Variants in HNRNPAB observed in about 807,000 individuals in gnomAD.
HNRNPAB encodes the protein ABBP-1.
Under a neutral mutation model 44.1 loss-of-function variants are expected in HNRNPAB, and 17 were observed. The ratio of observed to expected loss-of-function variants is 0.39; its 90% CI spans 0.26 to 0.58. HNRNPAB has a LOEUF of 0.58. HNRNPAB is among the 20% of genes least tolerant of loss of function. The pLI, the probability that HNRNPAB is intolerant of heterozygous loss-of-function variation, is 0.63. For synonymous variants in HNRNPAB, 183 were observed against 167.6 expected (o/e 1.09, Z -0.71); for missense variants, 393 against 432.7 (o/e 0.91, Z 0.81).
chr5:178,209,190 T>G, intron 5 of HNRNPAB, 140 bp from the exon 6 acceptor site: 1 of 722,306 alleles, frequency 1.4e-6, no homozygotes, highest in Non-Finnish European at 2.5e-6. Context: ...AGCCCAAAGG[T>G]GGCCTCCCAT....
chr5:178,208,019 T>C (rs528526139), intron 5 of HNRNPAB, among the ~76,000 whole-genome samples: 5 of 152,254 alleles, frequency 3.3e-5, no homozygotes, highest in Non-Finnish European at 7.4e-5. Flanking sequence ...CAGGCAAAAA[T>C]CCTTCCAAAG....
chr5:178,207,128 T>C lies in HNRNPAB; in HGVS notation c.572T>C (p.Leu191Ser). ...EAIELPMDPKLNKRRGFVFIT... is the reference protein window; with the variant it reads ...EAIELPMDPKSNKRRGFVFIT... ...ATTGAATTGCCAATGGATCCAAAGT[T>C]GAACAAAAGACGAGGTTTTGTGTTT... Residue 191 changes from leucine (L) to serine (S), a missense_variant, in exon 5 of 8, where the codon TTG (leucine) becomes TCG (serine). Transcript: ENST00000358344. 6.2e-7 allele frequency: 1 copy of C among 1,614,222 alleles called. No homozygotes were observed. Among genetic ancestry groups the C allele is most frequent in the Non-Finnish European group, 8.5e-7 (1 of 1,180,036 alleles).
At chr5:178,207,889 G>A (rs1243224662) in intron 5 of HNRNPAB, among the ~76,000 whole-genome samples, 7 of 151,858 alleles carry the variant, frequency 4.6e-5, no homozygotes, top group Admixed American at 3.3e-4. Context: ...TTAAAGCCTG[G>A]TCTCACCATG....
At chr5:178,210,406 G>A (rs945769744) in intron 7 of HNRNPAB, 134 bp downstream of exon 7, 46 of 1,553,358 alleles carry the variant, frequency 3.0e-5, no homozygotes, top group South Asian at 2.6e-4. Context: ...ACTTGATTTT[G>A]AGCCTTAGAC....
rs186558236 is a variant in HNRNPAB, at chr5:178,209,595, G to A, written c.787+148G>A. ...CGAACAGGAATAGGAACGGCTCTGG[G>A]TCAGGGCTGTATGCTTGAGGCTGTT... On this transcript the variant is annotated intron_variant, in intron 6 of 7. Transcript: ENST00000358344. The A allele has an allele frequency of 3.4e-4, 231 of 682,220 alleles. 2 individuals carry two copies. In the East Asian group the frequency reaches 6.1e-3, roughly 18 times the overall value. 42.3% of individuals were successfully genotyped at this position (682,220 alleles called of 1,614,324 possible). A position where few individuals can be genotyped will look rare whatever the true frequency, so the allele number is the denominator to read the frequency against.
At chr5:178,205,373 C>T (rs1442531170) in intron 2 of HNRNPAB, among the ~76,000 whole-genome samples, 1 of 151,892 alleles carries the variant, frequency 6.6e-6, no homozygotes. Flanking sequence ...CGTCTTGGGC[C>T]GCGCCGGCGG....
At position 178,205,822 on chromosome 5, in the gene HNRNPAB, G is replaced by C. The variant is rs1474717221; in HGVS notation, c.210-20G>C. On this transcript the variant is annotated intron_variant, in intron 2 of 7. Coordinates refer to ENST00000358344, the MANE Select transcript of HNRNPAB (RefSeq NM_031266.3). ...TTGCTTACAAGACTTGTTGCCGTGTGTCTCACCCTACCATTTCAGAAAAAT... is the reference window on the plus strand; with the variant it reads ...TTGCTTACAAGACTTGTTGCCGTGTCTCTCACCCTACCATTTCAGAAAAAT... 2 of 1,608,550 alleles carry C rather than the reference G, an allele frequency of 1.2e-6. No homozygotes were observed. The highest frequency in any genetic ancestry group is 1.7e-6 in the Non-Finnish European group (2 of 1,176,836).
intron 2 of HNRNPAB, 196 bp from the exon 3 acceptor site, chr5:178,205,646 G>A (rs1337512329): frequency 7.1e-6 from 4 of 567,366 alleles, no homozygotes; most frequent in South Asian, 2.3e-5. Context: ...GGGCTGCAGA[G>A]CCTTGTTAAG....
chr5:178,204,885 C>G lies in HNRNPAB; in HGVS notation c.48C>G (p.Thr16=). The G allele has an allele frequency of 8.2e-7, 1 of 1,212,532 alleles. No homozygotes were observed. The highest frequency in any genetic ancestry group is 1.0e-6 in the Non-Finnish European group (1 of 975,470). 75.1% of individuals were successfully genotyped at this position (1,212,532 alleles called of 1,614,324 possible). Residue 16 remains threonine (T), a synonymous_variant, in exon 2 of 8, where the codon ACC becomes ACG. Transcript: ENST00000358344. ...EEQPMETTGA[T]ENGHEAVPEG... is the part of the protein sequence containing the mutation. Reference sequence around the variant, plus strand: ...AGCCCATGGAGACGACGGGCGCCACCGAGAACGGACATGAGGCCGTCCCCG... The same window carrying G: ...AGCCCATGGAGACGACGGGCGCCACGGAGAACGGACATGAGGCCGTCCCCG...
intron 2 of HNRNPAB, 143 bp from the exon 3 acceptor site, chr5:178,205,699 A>C: frequency 2.8e-6 from 2 of 713,542 alleles, no homozygotes; most frequent in Non-Finnish European, 4.7e-6. Flanking sequence ...AGGGTAGTGG[A>C]GATTTAACAT....
At chr5:178,207,062 A>G in intron 4 of HNRNPAB, 32 bp from the exon 5 acceptor site, 1 of 1,612,928 alleles carries the variant, frequency 6.2e-7, no homozygotes, top group Non-Finnish European at 8.5e-7. Context: ...GTAGGGAGGT[A>G]TTGGGCCTGA....
Position 178,210,869 on chromosome 5 carries a change from C to T in HNRNPAB, c.*246C>T, listed in dbSNP as rs1581193436. ...GGCTGATTTTTATTACCAGGTCCCC[C>T]AGAAGCAGGTGGGAGGCTCTGCTTC... On this transcript the variant is annotated 3_prime_UTR_variant, in exon 8 of 8. Coordinates refer to ENST00000358344, the MANE Select transcript of HNRNPAB (RefSeq NM_031266.3). 5.4e-6 allele frequency: 3 copies of T among 552,134 alleles called. No homozygotes were observed. Among genetic ancestry groups the T allele is most frequent in the South Asian group, 4.3e-5 (2 of 46,684 alleles). The allele number at this position is 552,134 out of a possible 1,614,324, so 34.2% of individuals were successfully genotyped here.
At position 178,210,676 on chromosome 5, in the gene HNRNPAB, A is replaced by G; in HGVS notation, c.*53A>G. The G allele has an allele frequency of 2.2e-6, 3 of 1,376,132 alleles. No homozygotes were observed. The highest frequency in any genetic ancestry group is 3.1e-6 in the Non-Finnish European group (3 of 964,254). The allele number at this position is 1,376,132 out of a possible 1,614,324, so 85.2% of individuals were successfully genotyped here. On this transcript the variant is annotated 3_prime_UTR_variant, in exon 8 of 8. Coordinates refer to ENST00000358344, the MANE Select transcript of HNRNPAB (RefSeq NM_031266.3). The stretch of plus-strand genomic sequence containing the variant: ...GCACACATGCTTTGTTTGGATATGG[A>G]GTGAACACAATTATGTACCAAATTT...
intron 2 of HNRNPAB, chr5:178,205,491 T>G: frequency 5.9e-6 from 1 of 169,852 alleles, no homozygotes; most frequent in Admixed American, 6.0e-5. Context: ...CCCGGAAACA[T>G]CGAGTTCCTT....
chr5:178,209,584 A>C, intron 6 of HNRNPAB, 137 bp downstream of exon 6: 1 of 716,366 alleles, frequency 1.4e-6, no homozygotes. Flanking sequence ...CAGGAATAGG[A>C]ACGGCTCTGG....
At chr5:178,208,128 C>T (rs1333178553) in intron 5 of HNRNPAB, among the ~76,000 whole-genome samples, 1 of 152,120 alleles carries the variant, frequency 6.6e-6, no homozygotes, top group East Asian at 1.9e-4. Context: ...CTCCTGAACT[C>T]TGGTCAGGGA....
chr5:178,208,389 A>G (rs915407372), intron 5 of HNRNPAB: 1 of 152,232 alleles, frequency 6.6e-6, no homozygotes, highest in Non-Finnish European at 1.5e-5. Context: ...GGACAGTGAT[A>G]GAGGCCTTTT....
At chr5:178,210,385 C>T in intron 7 of HNRNPAB, 113 bp downstream of exon 7, 1 of 1,573,280 alleles carries the variant, frequency 6.4e-7, no homozygotes, top group Non-Finnish European at 8.6e-7. Flanking sequence ...CCTGGCTCAG[C>T]CATGGGAGCT....
In HNRNPAB at chr5:178,210,917, A is replaced by G; in HGVS notation, c.*294A>G. 2.3e-6 allele frequency: 1 copy of G among 439,366 alleles called. No homozygotes were observed. The highest frequency in any genetic ancestry group is 4.1e-6 in the Non-Finnish European group (1 of 244,528). The allele number at this position is 439,366 out of a possible 1,614,324, so 27.2% of individuals were successfully genotyped here. Reference sequence around the variant, plus strand: ...TTCCTGCTGCCGCTCTGCAGCCTGGACCTGTGGACCCTGGTTGTAAAGAGT... The same window carrying G: ...TTCCTGCTGCCGCTCTGCAGCCTGGGCCTGTGGACCCTGGTTGTAAAGAGT... On this transcript the variant is annotated 3_prime_UTR_variant, in exon 8 of 8. Coordinates refer to ENST00000358344, the MANE Select transcript of HNRNPAB (RefSeq NM_031266.3).
Sources: allele counts gnomAD v4.1 joint callset (sites outside exome capture counted in the v4.1 genomes callset), GRCh38; gene constraint gnomAD v4.1.1; transcripts MANE v1.5; gene names NCBI Gene and HGNC (gene_info 2026-07-23, HGNC 2026-07-21).